Variants in TMPRSS15 observed in about 807,000 individuals in gnomAD.
TMPRSS15 encodes the protein transmembrane serine protease 15, also known as enteropeptidase.
Under a neutral mutation model 125.3 loss-of-function variants are expected in TMPRSS15, and 128 were observed. The observed-to-expected ratio is 1.02, with a 90% CI of 0.89 to 1.18. TMPRSS15 has a LOEUF of 1.18. TMPRSS15 is among the 50% of genes most tolerant of loss of function. The pLI, the probability that TMPRSS15 is intolerant of heterozygous loss-of-function variation, is 0.00. For missense variants in TMPRSS15, 1,283 were observed against 1,212.7 expected (o/e 1.06, Z -0.86); for synonymous variants, 446 against 423.2 (o/e 1.05, Z -0.66).
rs555193973 is a variant in TMPRSS15, at chr21:18,273,871, A to C, written c.2904+1326T>G. Among the ~76,000 whole-genome samples the C allele has an allele frequency of 3.9e-5, 6 of 152,378 alleles. No individual in the cohort carries two copies. The South Asian group carries it at 1.2e-3, about 32-fold the overall frequency. ...CAGAATAAATGTAAAACTAAGCTGGAAGTTTAACACAACTGAAGATATTGA... is the reference window on the plus strand; with the variant it reads ...CAGAATAAATGTAAAACTAAGCTGGCAGTTTAACACAACTGAAGATATTGA... On this transcript the variant is annotated intron_variant, in intron 24 of 24. Transcript: ENST00000284885.
chr21:18,280,716 C>T (rs1797893465), intron 22 of TMPRSS15, among the ~76,000 whole-genome samples: 1 of 152,066 alleles, frequency 6.6e-6, no homozygotes, highest in Middle Eastern at 3.4e-3. Context: ...GTAGATGAAC[C>T]TACCTTTCTT....
At position 18,280,586 on chromosome 21, in the gene TMPRSS15, A is replaced by AAAAAACAAAC. The variant is rs1555890685; in HGVS notation, c.2668+453_2668+454insGTTTGTTTTT. 1.5e-3 allele frequency among the ~76,000 whole-genome samples: 223 copies of AAAAAACAAAC among 149,080 alleles called. 6 individuals carry two copies. Among genetic ancestry groups the AAAAAACAAAC allele is most frequent in the African/African-American group, 5.5e-3 (216 of 39,050 alleles). ...GCGAGACTCCGTCTCAAAAAAAAAA[A>AAAAAACAAAC]AAAAAAAAACAACAAAACAACAAAA... On this transcript the variant is annotated intron_variant, in intron 22 of 24. Transcript: ENST00000284885.
At chr21:18,407,881 C>G (rs1045843865), upstream of TMPRSS15, among the ~76,000 whole-genome samples, 3 of 152,002 alleles carry the variant, frequency 2.0e-5, no homozygotes, top group African/African-American at 7.3e-5. Context: ...ATATACAGCT[C>G]TAGATAGGGA....
chr21:18,348,097 A>G (rs2075527986), intron 10 of TMPRSS15, among the ~76,000 whole-genome samples: 1 of 152,248 alleles, frequency 6.6e-6, no homozygotes, highest in Non-Finnish European at 1.5e-5. Flanking sequence ...AGGTGGGAGT[A>G]TCTCTTGAGC....
chr21:18,387,865 C>T (rs1339898553), intron 3 of TMPRSS15, among the ~76,000 whole-genome samples: 1 of 152,010 alleles, frequency 6.6e-6, no homozygotes, highest in Admixed American at 6.6e-5. Context: ...GACGTAGGTA[C>T]TGTTAGGTGA....
At chr21:18,366,024 TG>T (rs1346325267) in intron 6 of TMPRSS15, among the ~76,000 whole-genome samples, 3 of 152,114 alleles carry the variant, frequency 2.0e-5, no homozygotes, top group Non-Finnish European at 4.4e-5. Context: ...CGTGAGCCAC[TG>T]CGCCATGCCC....
At chr21:18,325,522 A>G (rs1277324151) in intron 16 of TMPRSS15, among the ~76,000 whole-genome samples, 1 of 152,102 alleles carries the variant, frequency 6.6e-6, no homozygotes, top group Non-Finnish European at 1.5e-5. Context: ...TTTGTATTAG[A>G]TAATAGGCCA....
chr21:18,383,516 T>A (rs2075912514), intron 4 of TMPRSS15, 111 bp downstream of exon 4: 1 of 1,267,032 alleles, frequency 7.9e-7, no homozygotes, highest in Non-Finnish European at 1.1e-6. Flanking sequence ...CCTCAGGCAA[T>A]AAGACATGTT....
intron 1 of TMPRSS15, among the ~76,000 whole-genome samples, chr21:18,483,605 T>C (rs1979025527): frequency 6.6e-6 from 1 of 151,940 alleles, no homozygotes; most frequent in African/African-American, 2.4e-5. Flanking sequence ...ATTTGTCTAA[T>C]ATGTCTGTGT....
intron 11 of TMPRSS15, 35 bp from the exon 12 acceptor site, chr21:18,343,691 T>A: frequency 6.3e-7 from 1 of 1,592,974 alleles, no homozygotes; most frequent in Non-Finnish European, 8.6e-7. Flanking sequence ...TTTGGATTCC[T>A]ACAACATTAG....
In TMPRSS15 at chr21:18,353,009, G is replaced by A. The variant is rs1331908134; in HGVS notation, c.1065C>T (p.Phe355=). ...TATCATCATTTAGATCCTGGACCCAGAAACAAAAGCCATCCTCAAAGTTAC... is the reference window on the plus strand; with the variant it reads ...TATCATCATTTAGATCCTGGACCCAAAAACAAAAGCCATCCTCAAAGTTAC... ...INCNFEDGFC[F]WVQDLNDDNE... Residue 355 remains phenylalanine, a synonymous_variant, in exon 10 of 25, where the codon TTC becomes TTT. Transcript: ENST00000284885. The A allele has an allele frequency of 6.2e-7, 1 of 1,611,092 alleles. No individual in the cohort carries two copies.
At position 18,294,276 on chromosome 21, in the gene TMPRSS15, A is replaced by C; in HGVS notation, c.2480T>G (p.Val827Gly). ...SDWLVSAAHCVYGRNLEPSKW... is the reference protein window; with the variant it reads ...SDWLVSAAHCGYGRNLEPSKW... ...CACTTGACATCACACTCACCCATACACGCAGTGTGCGGCGGACACCAGCCA... is the reference window on the plus strand; with the variant it reads ...CACTTGACATCACACTCACCCATACCCGCAGTGTGCGGCGGACACCAGCCA... Residue 827 changes from valine (V) to glycine (G), a missense_variant, in exon 21 of 25, where the codon GTG becomes GGG. Val to Gly is a moderately radical substitution (Grantham distance 109). Coordinates refer to ENST00000284885, the MANE Select transcript of TMPRSS15 (RefSeq NM_002772.3). 6.2e-7 allele frequency: 1 copy of C among 1,614,168 alleles called. No homozygotes were observed. The highest frequency in any genetic ancestry group is 1.7e-5 in the Admixed American group (1 of 60,020).
intron 1 of TMPRSS15, among the ~76,000 whole-genome samples, chr21:18,438,144 C>T (rs1601462760): frequency 6.7e-6 from 1 of 150,334 alleles, no homozygotes; most frequent in African/African-American, 2.5e-5. Flanking sequence ...TACTATGCAG[C>T]CATAAAAAAT....
chr21:18,318,390 A>G (rs78951134), intron 16 of TMPRSS15, among the ~76,000 whole-genome samples: 1,798 of 152,324 alleles, frequency 0.012, 31 homozygotes, highest in African/African-American at 0.04. Flanking sequence ...GTGTTTGCCA[A>G]ATGAAAACTA....
intron 1 of TMPRSS15, among the ~76,000 whole-genome samples, chr21:18,448,904 T>C (rs1057448937): frequency 8.5e-5 from 13 of 152,182 alleles, no homozygotes; most frequent in Admixed American, 8.5e-4. Context: ...GAAAGTTGCC[T>C]GATATTTTGA....
In TMPRSS15 at chr21:18,444,085, C is replaced by T. The variant is rs28635933; in HGVS notation, c.10+41714G>A. ...GTGAATCCACTCACAGCACACTCCCCGCCCCTTGTAACCAGGCAAGTCACA... is the reference window on the plus strand; with the variant it reads ...GTGAATCCACTCACAGCACACTCCCTGCCCCTTGTAACCAGGCAAGTCACA... On this transcript the variant is annotated intron_variant, in intron 1 of 7. Coordinates refer to the TMPRSS15 transcript ENST00000422787. Among the ~76,000 whole-genome samples, 1,176 of 152,212 alleles carry T rather than the reference C, an allele frequency of 7.7e-3. 19 individuals carry two copies. Among genetic ancestry groups the T allele is most frequent in the African/African-American group, 0.027 (1,127 of 41,540 alleles).
chr21:18,477,151 C>A (rs1978895659), intron 1 of TMPRSS15, among the ~76,000 whole-genome samples: 1 of 152,106 alleles, frequency 6.6e-6, no homozygotes, highest in South Asian at 2.1e-4. Flanking sequence ...TGTTAGAAAT[C>A]CAAATTTTCA....
intron 16 of TMPRSS15, among the ~76,000 whole-genome samples, chr21:18,321,335 C>T (rs1376488629): frequency 2.0e-5 from 3 of 146,684 alleles, no homozygotes; most frequent in African/African-American, 7.6e-5. Context: ...GAAGCAAAAA[C>T]GATTTTTTTC....
Position 18,278,842 on chromosome 21 carries a change from T to A in TMPRSS15, c.2764+122A>T. 6.3e-6 allele frequency: 4 copies of A among 631,284 alleles called. No homozygotes were observed. The South Asian group carries it at 7.4e-5, about 12-fold the overall frequency. 39.1% of individuals were successfully genotyped at this position (631,284 alleles called of 1,614,324 possible). A position where few individuals can be genotyped will look rare whatever the true frequency, so the allele number is the denominator to read the frequency against. ...TGCTTGACGGTACTTTTAGGAGATA[T>A]TGAAAAAACTGTTATATAAGAATTG... On this transcript the variant is annotated intron_variant, in intron 23 of 24. Coordinates refer to ENST00000284885, the MANE Select transcript of TMPRSS15 (RefSeq NM_002772.3).
Sources: gnomAD v4.1 joint callset for allele counts (sites outside exome capture counted in the v4.1 genomes callset) on GRCh38, gnomAD v4.1.1 for gene constraint, MANE v1.5 for transcripts, NCBI Gene and HGNC (gene_info 2026-07-23, HGNC 2026-07-21) for gene names.